CCSAP: variants seen among roughly 807,000 people sequenced by gnomAD.
CCSAP encodes the protein centriole, cilia and spindle-associated protein.
In CCSAP, 17 loss-of-function variants were observed where a neutral mutation model predicts 25.9. The observed-to-expected ratio is 0.66, with a 90% confidence interval of 0.45 to 0.99. CCSAP has a LOEUF of 0.99. Among genes scored for constraint, CCSAP ranks in the 50% least tolerant of loss-of-function variants. The pLI, the probability that CCSAP is intolerant of heterozygous loss-of-function variation, is 0.00. For synonymous variants in CCSAP, 169 were observed against 157.1 expected (o/e 1.08, Z -0.57); for missense variants, 339 against 367.8 (o/e 0.92, Z 0.64).
rs1305081745 is a variant in CCSAP, at chr1:229,321,493, G to A, written c.*3742C>T. The A allele has an allele frequency of 6.6e-6, 1 of 152,110 alleles. No homozygotes were observed. The highest frequency in any genetic ancestry group is 1.5e-5 in the Non-Finnish European group (1 of 68,024). The allele number at this position is 152,110 out of a possible 1,614,324, so 9.4% of individuals were successfully genotyped here. A position where few individuals can be genotyped will look rare whatever the true frequency, so the allele number is the denominator to read the frequency against. ...ATTTCAAATGCAAACGTTGTGCAAT[G>A]ACCAGGTCATATTTTTAAGATCACT... On this transcript the variant is annotated 3_prime_UTR_variant, in exon 4 of 4. Coordinates refer to ENST00000284617, the MANE Select transcript of CCSAP (RefSeq NM_145257.5).
In CCSAP at chr1:229,321,191, C is replaced by G. The variant is rs576700051; in HGVS notation, c.*4044G>C. The stretch of plus-strand genomic sequence containing the variant: ...TTTAAAGTGAATGCAGTGCTCAAAA[C>G]AAACTTACGATAGCACAGGGAAACC... On this transcript the variant is annotated 3_prime_UTR_variant, in exon 4 of 4. Coordinates refer to ENST00000284617, the MANE Select transcript of CCSAP (RefSeq NM_145257.5). 3.3e-5 allele frequency: 5 copies of G among 152,306 alleles called. No homozygotes were observed. The highest frequency in any genetic ancestry group is 4.8e-5 in the African/African-American group (2 of 41,560). 9.4% of individuals were successfully genotyped at this position (152,306 alleles called of 1,614,324 possible).
At position 229,342,164 on chromosome 1, in the gene CCSAP, G is replaced by C; in HGVS notation, c.302C>G (p.Pro101Arg). The C allele has an allele frequency of 2.3e-6, 3 of 1,299,582 alleles. No individual in the cohort carries two copies. Among genetic ancestry groups the C allele is most frequent in the Non-Finnish European group, 2.9e-6 (3 of 1,024,044 alleles). 80.5% of individuals were successfully genotyped at this position (1,299,582 alleles called of 1,614,324 possible). The change falls in exon 2 of 4, where the codon CCG becomes CGG. Residue 101 changes from proline to arginine, a missense_variant. Coordinates refer to ENST00000284617, the MANE Select transcript of CCSAP (RefSeq NM_145257.5). This position sits in a 1 kb window ranked among gnomAD's most constrained non-coding sequence, Gnocchi z 7.5. ...CCCGGCCTCCGCGTCCTGCTCCTCC[G>C]GGGCCCCGCGCGCCCGCCGTTCCGC... is the stretch of plus-strand genomic sequence containing the variant. Reference protein sequence around the residue: ...EEAERRARGAPEEQDAEAGDA... With the variant: ...EEAERRARGAREEQDAEAGDA...
rs1657900751 is a variant in CCSAP, at chr1:229,324,703, T to C, written c.*532A>G. On this transcript the variant is annotated 3_prime_UTR_variant, in exon 4 of 4. Coordinates refer to ENST00000284617, the MANE Select transcript of CCSAP (RefSeq NM_145257.5). ...AAAAATTTTCAGGAACTAGCAAAGT[T>C]CTACTTTCATTATACATGGAATCAG... 1 of 152,600 alleles carries C rather than the reference T, an allele frequency of 6.6e-6. No individual in the cohort carries two copies. The highest frequency in any genetic ancestry group is 2.4e-5 in the African/African-American group (1 of 41,452). 9.5% of individuals were successfully genotyped at this position (152,600 alleles called of 1,614,324 possible).
intron 2 of CCSAP, chr1:229,340,482 C>T (rs1558253175): frequency 8.4e-6 from 6 of 711,412 alleles, no homozygotes; most frequent in Non-Finnish European, 1.3e-5. Context: ...TATTTGACAA[C>T]TCCATCACAA....
chr1:229,342,377 A>ATGCT lies in CCSAP; in HGVS notation c.88_89insAGCA (p.Leu30GlnfsTer104). On this transcript the variant is annotated frameshift_variant, in exon 2 of 4. Transcript: ENST00000284617. LOFTEE classifies it high-confidence loss of function. This position sits in a 1 kb window ranked among gnomAD's most constrained non-coding sequence, Gnocchi z 7.5. ...CCGGCGGCCTAGGCGGTAGTGCAGCAGCTCGCGGTAGCACGGCCCGTACTC... is the reference window on the plus strand; with the variant it reads ...CCGGCGGCCTAGGCGGTAGTGCAGCATGCTGCTCGCGGTAGCACGGCCCGTACTC... 6.6e-7 allele frequency: 1 copy of ATGCT among 1,507,466 alleles called. No individual in the cohort carries two copies. Among genetic ancestry groups the ATGCT allele is most frequent in the South Asian group, 1.3e-5 (1 of 79,490 alleles). 93.4% of individuals were successfully genotyped at this position (1,507,466 alleles called of 1,614,324 possible).
chr1:229,337,844 G>A (rs1658234045), intron 2 of CCSAP, among the ~76,000 whole-genome samples: 1 of 150,408 alleles, frequency 6.6e-6, no homozygotes, highest in Non-Finnish European at 1.5e-5. Context: ...ATTAGTGATA[G>A]CTAAAATAAA....
At chr1:229,329,669 G>A (rs902381309) in intron 2 of CCSAP, among the ~76,000 whole-genome samples, 5 of 152,170 alleles carry the variant, frequency 3.3e-5, no homozygotes, top group Non-Finnish European at 7.3e-5. Context: ...CAGACCAGCT[G>A]GGAGGTGGTG....
At chr1:229,333,473 T>C (rs1328269829) in intron 2 of CCSAP, among the ~76,000 whole-genome samples, 1 of 146,072 alleles carries the variant, frequency 6.8e-6, no homozygotes, top group Non-Finnish European at 1.5e-5. Flanking sequence ...AACCTATAGG[T>C]CAAAGTGAAA....
intron 2 of CCSAP, among the ~76,000 whole-genome samples, chr1:229,335,485 G>A (rs1384726989): frequency 1.3e-5 from 2 of 152,172 alleles, no homozygotes; most frequent in Non-Finnish European, 2.9e-5. Context: ...GGATCCACGG[G>A]TCCTCCCCTT....
At position 229,342,377 on chromosome 1, in the gene CCSAP, A is replaced by C. The variant is rs1442202945; in HGVS notation, c.89T>G (p.Leu30Arg). The change falls in exon 2 of 4, where the codon CTG becomes CGG. Residue 30 changes from leucine to arginine, a missense_variant. By Grantham distance (102) the Leu-to-Arg change is moderately radical. Coordinates refer to ENST00000284617, the MANE Select transcript of CCSAP (RefSeq NM_145257.5). This position sits in a 1 kb window ranked among gnomAD's most constrained non-coding sequence, Gnocchi z 7.5. Reference sequence around the variant, plus strand: ...CCGGCGGCCTAGGCGGTAGTGCAGCAGCTCGCGGTAGCACGGCCCGTACTC... The same window carrying C: ...CCGGCGGCCTAGGCGGTAGTGCAGCCGCTCGCGGTAGCACGGCCCGTACTC... ...WEEYGPCYRE[L>R]LHYRLGRRLL... 6.6e-7 allele frequency: 1 copy of C among 1,507,466 alleles called. No individual in the cohort carries two copies. The allele number at this position is 1,507,466 out of a possible 1,614,324, so 93.4% of individuals were successfully genotyped here.
At chr1:229,332,858 G>C (rs151471) in intron 2 of CCSAP, among the ~76,000 whole-genome samples, 58,848 of 152,016 alleles carry the variant, frequency 0.39, 11,757 homozygotes, top group Admixed American at 0.45. Flanking sequence ...TCATCACAGA[G>C]AGAGCTGTAC....
At chr1:229,329,726 C>G (rs1658026536) in intron 2 of CCSAP, among the ~76,000 whole-genome samples, 1 of 152,164 alleles carries the variant, frequency 6.6e-6, no homozygotes, top group Admixed American at 6.5e-5. Context: ...TACGGTGGCT[C>G]AACCCTGTAA....
chr1:229,342,171 C>T lies in CCSAP; in HGVS notation c.295G>A (p.Gly99Arg). Residue 99 changes from glycine to arginine, a missense_variant, in exon 2 of 4, where the codon GGG becomes AGG. Gly to Arg is a moderately radical substitution (Grantham distance 125). Coordinates refer to ENST00000284617, the MANE Select transcript of CCSAP (RefSeq NM_145257.5). This position sits in a 1 kb window ranked among gnomAD's most constrained non-coding sequence, Gnocchi z 7.5. ...TQEEAERRAR[G>R]APEEQDAEAG... The stretch of plus-strand genomic sequence containing the variant: ...TCCGCGTCCTGCTCCTCCGGGGCCC[C>T]GCGCGCCCGCCGTTCCGCCTCCTCC... The T allele has an allele frequency of 1.5e-6, 2 of 1,292,732 alleles. No homozygotes were observed. Among genetic ancestry groups the T allele is most frequent in the Non-Finnish European group, 2.0e-6 (2 of 1,021,996 alleles). The allele number at this position is 1,292,732 out of a possible 1,614,324, so 80.1% of individuals were successfully genotyped here.
chr1:229,328,893 G>A (rs1443283125), intron 2 of CCSAP, among the ~76,000 whole-genome samples: 1 of 152,214 alleles, frequency 6.6e-6, no homozygotes, highest in Non-Finnish European at 1.5e-5. Flanking sequence ...CTGAATCCGG[G>A]TGTCATGTTC....
chr1:229,332,349 T>C (rs238085), intron 2 of CCSAP, among the ~76,000 whole-genome samples: 58,865 of 151,688 alleles, frequency 0.39, 11,817 homozygotes, highest in Admixed American at 0.45. Context: ...TGGGACCTGA[T>C]GCTATCTCCA....
chr1:229,337,584 G>T (rs1480447908), intron 2 of CCSAP, among the ~76,000 whole-genome samples: 2 of 149,146 alleles, frequency 1.3e-5, no homozygotes, highest in Non-Finnish European at 3.0e-5. Flanking sequence ...ATCACACAAA[G>T]GAGGGAAATA....
At chr1:229,334,871 G>A (rs1259734552) in intron 2 of CCSAP, among the ~76,000 whole-genome samples, 1 of 152,180 alleles carries the variant, frequency 6.6e-6, no homozygotes, top group East Asian at 1.9e-4. Flanking sequence ...AGAGAGCAAG[G>A]GAGGTGATGA....
intron 2 of CCSAP, among the ~76,000 whole-genome samples, chr1:229,340,226 AG>A (rs1658298571): frequency 1.3e-5 from 2 of 152,244 alleles, no homozygotes; most frequent in South Asian, 4.1e-4. Context: ...GCAACACAGG[AG>A]TCAAGAGGGC....
intron 2 of CCSAP, among the ~76,000 whole-genome samples, chr1:229,341,493 T>C (rs1571859031): frequency 6.6e-6 from 1 of 152,304 alleles, no homozygotes; most frequent in East Asian, 1.9e-4. Context: ...CTTTCGGATC[T>C]GGACAGGCGA....
Sources: gnomAD v4.1 joint callset for allele counts (sites outside exome capture counted in the v4.1 genomes callset) on GRCh38, gnomAD v4.1.1 for gene constraint, Gnocchi (gnomAD v3.1) non-coding constraint, MANE v1.5 for transcripts, NCBI Gene and HGNC (gene_info 2026-07-23, HGNC 2026-07-21) for gene names.